Variants in LSM14A observed in about 807,000 individuals in gnomAD.
The protein encoded by LSM14A is LSM14A mRNA processing body assembly factor, also known as protein LSM14 homolog A.
LSM14A carries 14 observed loss-of-function variants against 52.4 expected under a neutral mutation model. The ratio of observed to expected loss-of-function variants is 0.27; its 90% CI spans 0.18 to 0.42. LSM14A has a LOEUF of 0.42. Among genes scored for constraint, LSM14A ranks in the 10% least tolerant of loss-of-function variants. The probability of loss-of-function intolerance (pLI) is 1.00; values close to 1 mark genes in which losing one functional copy is unlikely to be tolerated. For synonymous variants in LSM14A, 185 were observed against 200.3 expected, an observed-to-expected ratio of 0.92 and a Z score of 0.64; for missense variants, 417 against 581.8, an observed-to-expected ratio of 0.72 and a Z score of 2.91.
At chr19:34,187,074 A>AT (rs1030636685) in intron 1 of LSM14A, among the ~76,000 whole-genome samples, 6 of 110,142 alleles carry the variant, frequency 5.4e-5, no homozygotes, top group African/African-American at 1.6e-4. Flanking sequence ...CCAGTCTCTA[A>AT]TTTAAAAAAA....
intron 3 of LSM14A, among the ~76,000 whole-genome samples, chr19:34,203,432 A>G (rs971982688): frequency 6.6e-6 from 1 of 152,192 alleles, no homozygotes; most frequent in African/African-American, 2.4e-5. Flanking sequence ...AGCCTTGAAG[A>G]GATGCTTACG....
intron 1 of LSM14A, among the ~76,000 whole-genome samples, chr19:34,188,470 A>G (rs1271261365): frequency 6.6e-6 from 1 of 152,198 alleles, no homozygotes; most frequent in African/African-American, 2.4e-5. Flanking sequence ...GAAAATTCAC[A>G]TTACATGCAA....
intron 1 of LSM14A, 36 bp downstream of exon 1, chr19:34,172,799 C>A: frequency 1.9e-6 from 3 of 1,545,944 alleles, no homozygotes; most frequent in Non-Finnish European, 2.6e-6. Flanking sequence ...GGGGCCGAGC[C>A]GGGCGCCGCT....
chr19:34,196,841 C>A (rs3119815), intron 3 of LSM14A, 78 bp downstream of exon 3: 720,244 of 1,194,394 alleles, frequency 0.6, 224,658 homozygotes, highest in African/African-American at 0.77. Context: ...AACTCAACAC[C>A]AACTATTAGA....
chr19:34,226,542 T>C (rs111365500), intron 9 of LSM14A: 23 of 1,198,766 alleles, frequency 1.9e-5, no homozygotes, highest in Middle Eastern at 2.0e-4. Context: ...AGCTCATTGC[T>C]GTCAACTTAT....
In LSM14A at chr19:34,215,672, G is replaced by A. The variant is rs1391223683; in HGVS notation, c.781+11G>A. ...ACAAGAGACAAGTAGGTAAGTTCTTGGATCTAAAAGTCATATTCTATGCTT... is the reference window on the plus strand; with the variant it reads ...ACAAGAGACAAGTAGGTAAGTTCTTAGATCTAAAAGTCATATTCTATGCTT... On this transcript the variant is annotated intron_variant, in intron 6 of 9. Transcript: ENST00000544216. 6.3e-7 allele frequency: 1 copy of A among 1,576,378 alleles called. No homozygotes were observed. Among genetic ancestry groups the A allele is most frequent in the Non-Finnish European group, 8.7e-7 (1 of 1,146,680 alleles).
At position 34,194,589 on chromosome 19, in the gene LSM14A, G is replaced by A; in HGVS notation, c.233G>A (p.Cys78Tyr). The A allele has an allele frequency of 6.2e-7, 1 of 1,614,140 alleles. No homozygotes were observed. Residue 78 changes from cysteine (C) to tyrosine (Y), a missense_variant, in exon 2 of 10, where the codon TGT becomes TAT. By Grantham distance (194) the Cys-to-Tyr change is radical. Around this residue, in one of 2 missense-constraint regions of LSM14A, gnomAD observed 60 missense variants for 124.8 expected, o/e 0.48. Coordinates refer to ENST00000544216, the MANE Select transcript of LSM14A (RefSeq NM_015578.4). ...AGTGACATTAAAGACCTTACTGTTT[G>A]TGAGCCACCAAAACCACAGTGTTCT... The part of the protein sequence containing the change: ...RGSDIKDLTV[C>Y]EPPKPQCSLP...
intron 3 of LSM14A, among the ~76,000 whole-genome samples, chr19:34,200,396 A>G (rs532965201): frequency 1.3e-5 from 2 of 152,204 alleles, no homozygotes; most frequent in East Asian, 1.9e-4. Context: ...ACTTTTGAGT[A>G]TGGACTAATT....
intron 1 of LSM14A, among the ~76,000 whole-genome samples, chr19:34,181,324 T>C (rs1011118214): frequency 6.6e-6 from 1 of 152,216 alleles, no homozygotes; most frequent in Non-Finnish European, 1.5e-5. Context: ...TCCTCTTTTC[T>C]AATGATTACC....
intron 7 of LSM14A, 25 bp from the exon 8 acceptor site, chr19:34,219,681 T>G: frequency 6.3e-7 from 1 of 1,595,726 alleles, no homozygotes; most frequent in Middle Eastern, 1.7e-4. Flanking sequence ...GTCTTGACTT[T>G]TCTGATATGT....
intron 6 of LSM14A, among the ~76,000 whole-genome samples, chr19:34,218,510 C>T (rs777006407): frequency 4.6e-5 from 7 of 152,148 alleles, no homozygotes; most frequent in Non-Finnish European, 8.8e-5. Flanking sequence ...ATCTTGTTAC[C>T]CTGTAGTCAC....
In LSM14A at chr19:34,227,818, G is replaced by GTGTGTGTGTGTGTGTA. The variant is rs1359362417; in HGVS notation, c.*441_*442insGTGTATGTGTGTGTGT. The GTGTGTGTGTGTGTGTA allele has an allele frequency of 1.9e-5, 3 of 160,274 alleles. No individual in the cohort carries two copies. Among genetic ancestry groups the GTGTGTGTGTGTGTGTA allele is most frequent in the Non-Finnish European group, 4.0e-5 (3 of 74,848 alleles). 9.9% of individuals were successfully genotyped at this position (160,274 alleles called of 1,614,324 possible). On this transcript the variant is annotated 3_prime_UTR_variant, in exon 10 of 10. Transcript: ENST00000544216. ...TGTGTGTGTGTGTGTGTGTGTGTGT[G>GTGTGTGTGTGTGTGTA]TGTGTGTGTGTATGTGTGTGTCTTT... is the stretch of plus-strand genomic sequence containing the variant.
chr19:34,189,286 A>G (rs1242564594), intron 1 of LSM14A, among the ~76,000 whole-genome samples: 1 of 152,198 alleles, frequency 6.6e-6, no homozygotes, highest in Non-Finnish European at 1.5e-5. Context: ...TCAGGAAACC[A>G]ATAGTAGTAC....
In LSM14A at chr19:34,227,790, TTGTGTGTGTGTGTGTGTGTGTGTG is replaced by T. The variant is rs71165635; in HGVS notation, c.*418_*441del. 44 of 152,446 alleles carry T rather than the reference TTGTGTGTGTGTGTGTGTGTGTGTG, an allele frequency of 2.9e-4. No individual in the cohort carries two copies. The South Asian group carries it at 3.6e-3, about 13-fold the overall frequency. 9.4% of individuals were successfully genotyped at this position (152,446 alleles called of 1,614,324 possible). ...ATACTGTGTTTTGAGCCACAGAAGG[TTGTGTGTGTGTGTGTGTGTGTGTG>T]TGTGTGTGTGTGTGTATGTGTGTGT... On this transcript the variant is annotated 3_prime_UTR_variant, in exon 10 of 10. Coordinates refer to ENST00000544216, the MANE Select transcript of LSM14A (RefSeq NM_015578.4).
At chr19:34,178,239 A>C (rs879785731) in intron 1 of LSM14A, among the ~76,000 whole-genome samples, 3 of 152,062 alleles carry the variant, frequency 2.0e-5, no homozygotes, top group Non-Finnish European at 4.4e-5. Flanking sequence ...AAGTTATCAC[A>C]CCACATAATC....
At chr19:34,225,968 A>C (rs763196256) in intron 9 of LSM14A, among the ~76,000 whole-genome samples, 3 of 152,098 alleles carry the variant, frequency 2.0e-5, no homozygotes, top group Non-Finnish European at 4.4e-5. Flanking sequence ...AGGCTAAGGC[A>C]GGAGGATCAG....
At chr19:34,186,769 C>T (rs143791477) in intron 1 of LSM14A, among the ~76,000 whole-genome samples, 1 of 152,254 alleles carries the variant, frequency 6.6e-6, no homozygotes, top group African/African-American at 2.4e-5. Flanking sequence ...AACTTTACAT[C>T]ATAAATCTTA....
chr19:34,227,191 T>G (rs1280191816), intron 9 of LSM14A, among the ~76,000 whole-genome samples, 174 bp from the exon 10 acceptor site: 7 of 152,176 alleles, frequency 4.6e-5, no homozygotes, highest in Non-Finnish European at 5.9e-5. Flanking sequence ...GAGGTACTAC[T>G]GAGTATGGAA....
chr19:34,194,926 A>G (rs1284120833), intron 2 of LSM14A, among the ~76,000 whole-genome samples: 3 of 152,138 alleles, frequency 2.0e-5, no homozygotes, highest in Non-Finnish European at 4.4e-5. Flanking sequence ...TGCATATAAG[A>G]TACCCTCTGA....
Sources: gnomAD v4.1 joint callset for allele counts (sites outside exome capture counted in the v4.1 genomes callset) on GRCh38, gnomAD v4.1.1 for gene constraint, gnomAD v4.1.1 regional missense constraint, MANE v1.5 for transcripts, NCBI Gene and HGNC (gene_info 2026-07-23, HGNC 2026-07-21) for gene names.